Variants in HECW2 observed in about 807,000 individuals in gnomAD.
HECW2 encodes HECT, C2 and WW domain containing E3 ubiquitin protein ligase 2.
HECW2 carries 61 observed loss-of-function variants against 175.2 expected under a neutral mutation model. The ratio of observed to expected loss-of-function variants is 0.35; its 90% CI spans 0.28 to 0.43. The LOEUF (loss-of-function observed/expected upper bound fraction) is 0.43, where lower values mean the gene tolerates loss of function less well. Among genes scored for constraint, HECW2 ranks in the 20% least tolerant of loss-of-function variants. HECW2 has a pLI of 1.00. For missense variants in HECW2, 1,524 were observed against 2,000.5 expected (o/e 0.76, Z 4.54); for synonymous variants, 671 against 731.0 (o/e 0.92, Z 1.32).
rs1053840328 is a variant in HECW2, at chr2:196,299,869, C to T, written c.2814+6619G>A. On this transcript the variant is annotated intron_variant, in intron 13 of 28. Coordinates refer to ENST00000644978, the MANE Select transcript of HECW2 (RefSeq NM_001348768.2). ...GCGTGAACCCAGGAGGTGGAGCTTGCAGTGAGCCGAGATGGCGCCACTGCA... is the reference window on the plus strand; with the variant it reads ...GCGTGAACCCAGGAGGTGGAGCTTGTAGTGAGCCGAGATGGCGCCACTGCA... 3.3e-5 allele frequency among the ~76,000 whole-genome samples: 5 copies of T among 151,652 alleles called. No individual in the cohort carries two copies. The East Asian group carries it at 9.7e-4, about 29-fold the overall frequency.
At chr2:196,242,027 C>A (rs928270770) in intron 20 of HECW2, 57 bp downstream of exon 20, 5 of 1,545,180 alleles carry the variant, frequency 3.2e-6, no homozygotes, top group African/African-American at 2.7e-5. Flanking sequence ...AGAGGCCCAA[C>A]TGTGCCCTCT....
At chr2:196,577,211 T>C (rs970974672) in intron 1 of HECW2, among the ~76,000 whole-genome samples, 7 of 152,170 alleles carry the variant, frequency 4.6e-5, no homozygotes, top group African/African-American at 1.4e-4. Context: ...TCACAGAATG[T>C]TGCCCAATTG....
chr2:196,397,145 A>C (rs992281239), intron 2 of HECW2, among the ~76,000 whole-genome samples: 2 of 151,740 alleles, frequency 1.3e-5, no homozygotes, highest in Non-Finnish European at 1.5e-5. Context: ...AAAAAAAAAA[A>C]AAACAAAAAT....
At chr2:196,481,408 A>G (rs1686839608) in intron 1 of HECW2, among the ~76,000 whole-genome samples, 1 of 152,212 alleles carries the variant, frequency 6.6e-6, no homozygotes, top group African/African-American at 2.4e-5. Context: ...TGTGCCCTAG[A>G]GCATAAATGC....
chr2:196,566,699 A>ATTTTTTTT (rs58391487), intron 1 of HECW2, among the ~76,000 whole-genome samples: 6,638 of 92,370 alleles, frequency 0.072, no homozygotes, highest in Non-Finnish European at 0.086. Context: ...CACCCAGCTA[A>ATTTTTTTT]TTTTTTTTTT....
intron 21 of HECW2, among the ~76,000 whole-genome samples, chr2:196,234,492 A>C (rs1251267982): frequency 1.3e-5 from 2 of 151,972 alleles, no homozygotes; most frequent in Admixed American, 6.6e-5. Flanking sequence ...ATGGGGTCTC[A>C]CTATGTTGCC....
chr2:196,423,103 T>A (rs1695449113), intron 2 of HECW2, among the ~76,000 whole-genome samples: 1 of 152,158 alleles, frequency 6.6e-6, no homozygotes, highest in South Asian at 2.1e-4. Context: ...AAATCCCTTC[T>A]TGGGAATTCA....
Position 196,201,127 on chromosome 2 carries a change from A to T in HECW2, c.*150T>A. The T allele has an allele frequency of 1.6e-6, 1 of 624,376 alleles. No homozygotes were observed. The highest frequency in any genetic ancestry group is 2.9e-6 in the Non-Finnish European group (1 of 340,886). 38.7% of individuals were successfully genotyped at this position (624,376 alleles called of 1,614,324 possible). A position where few individuals can be genotyped will look rare whatever the true frequency, so the allele number is the denominator to read the frequency against. ...CAAGAGGACTCATCTCCAGTCCCCA[A>T]ATGTGACAGAGCACTTGTTCCTGGA... On this transcript the variant is annotated 3_prime_UTR_variant, in exon 29 of 29. Transcript: ENST00000644978.
At chr2:196,207,381 T>G (rs1248350354) in intron 28 of HECW2, among the ~76,000 whole-genome samples, 1 of 151,134 alleles carries the variant, frequency 6.6e-6, no homozygotes, top group African/African-American at 2.4e-5. Flanking sequence ...TTAACACAAC[T>G]AATGGTAAAA....
chr2:196,231,380 A>G (rs912670821), intron 21 of HECW2, among the ~76,000 whole-genome samples: 1 of 152,196 alleles, frequency 6.6e-6, no homozygotes, highest in African/African-American at 2.4e-5. Flanking sequence ...GTTACTTCTT[A>G]CAGCCTACCC....
At chr2:196,333,764 C>A (rs1481319628) in intron 4 of HECW2, among the ~76,000 whole-genome samples, 1 of 152,182 alleles carries the variant, frequency 6.6e-6, no homozygotes, top group Non-Finnish European at 1.5e-5. Context: ...TGGAAATGGG[C>A]AGGCTTTCTT....
chr2:196,568,095 TTC>T (rs1200734237), intron 1 of HECW2, among the ~76,000 whole-genome samples: 4 of 152,214 alleles, frequency 2.6e-5, no homozygotes, highest in African/African-American at 9.6e-5. Context: ...GCTACATTTG[TTC>T]TCTCTTTATT....
In HECW2 at chr2:196,281,366, G is replaced by A. The variant is rs548699305; in HGVS notation, c.3001-2704C>T. Among the ~76,000 whole-genome samples the A allele has an allele frequency of 2.0e-5, 3 of 152,182 alleles. No homozygotes were observed. The South Asian group carries it at 6.2e-4, about 32-fold the overall frequency. On this transcript the variant is annotated intron_variant, in intron 14 of 28. Transcript: ENST00000644978. ...AAAAGCATGTTCTTGGGCCAGGCGC[G>A]ATGGCTCACACCTGTAATCCCAGCA...
intron 1 of HECW2, among the ~76,000 whole-genome samples, chr2:196,518,381 C>T (rs577858948): frequency 7.9e-5 from 12 of 152,088 alleles, no homozygotes; most frequent in Admixed American, 5.9e-4. Context: ...TTAGGCCAGG[C>T]GCGGTGGCTC....
intron 13 of HECW2, among the ~76,000 whole-genome samples, chr2:196,302,930 G>A (rs1691120280): frequency 6.6e-6 from 1 of 152,216 alleles, no homozygotes; most frequent in East Asian, 1.9e-4. Flanking sequence ...GATTGCCCTG[G>A]CCAGAACTTC....
At position 196,319,300 on chromosome 2, in the gene HECW2, T is replaced by C; in HGVS notation, c.1590A>G (p.Pro530=). Residue 530 remains proline, a synonymous_variant, in exon 9 of 29, where the codon CCA becomes CCG. Coordinates refer to ENST00000644978, the MANE Select transcript of HECW2 (RefSeq NM_001348768.2). The part of the protein sequence containing the change: ...THEAASFEDK[P]ENLPELAESS... ...TCTCTGCAAGCTCTGGAAGATTTTC[T>C]GGCTTATCCTCAAAGGAAGCAGCTT... is the stretch of plus-strand genomic sequence containing the variant. 6.2e-7 allele frequency: 1 copy of C among 1,612,818 alleles called. No homozygotes were observed. The highest frequency in any genetic ancestry group is 2.2e-5 in the East Asian group (1 of 44,888).
intron 2 of HECW2, among the ~76,000 whole-genome samples, chr2:196,365,986 G>A (rs1212646950): frequency 6.6e-6 from 1 of 152,140 alleles, no homozygotes; most frequent in African/African-American, 2.4e-5. Context: ...CCATACTTTT[G>A]CCACTCTTCT....
At chr2:196,535,265 T>C (rs1688982900) in intron 1 of HECW2, among the ~76,000 whole-genome samples, 1 of 152,212 alleles carries the variant, frequency 6.6e-6, no homozygotes, top group South Asian at 2.1e-4. Flanking sequence ...CTAAACTAGA[T>C]GTGGGTGGAT....
At chr2:196,384,688 C>T (rs542911243) in intron 2 of HECW2, among the ~76,000 whole-genome samples, 1 of 152,020 alleles carries the variant, frequency 6.6e-6, no homozygotes, top group East Asian at 1.9e-4. Context: ...CACTTATTGC[C>T]CCTCCCTAGT....
Sources: allele counts gnomAD v4.1 joint callset (sites outside exome capture counted in the v4.1 genomes callset), GRCh38; gene constraint gnomAD v4.1.1; transcripts MANE v1.5; gene names NCBI Gene and HGNC (gene_info 2026-07-23, HGNC 2026-07-21).